HSPA12A: variants seen among roughly 807,000 people sequenced by gnomAD.
The protein encoded by HSPA12A is heat shock 70 kDa protein 12A.
Under a neutral mutation model 69.2 loss-of-function variants are expected in HSPA12A, and 28 were observed. That is an observed-to-expected ratio of 0.40 (90% CI 0.30 to 0.55). The LOEUF is 0.55. HSPA12A is among the 20% of genes least tolerant of loss of function. The probability of loss-of-function intolerance (pLI) is 0.38; values close to 1 mark genes in which losing one functional copy is unlikely to be tolerated. For missense variants in HSPA12A, 686 were observed against 900.7 expected, an observed-to-expected ratio of 0.76 and a Z score of 3.05; for synonymous variants, 345 against 370.5, an observed-to-expected ratio of 0.93 and a Z score of 0.79.
At chr10:116,818,218 A>G (rs1041586656) in intron 2 of HSPA12A, among the ~76,000 whole-genome samples, 1 of 152,144 alleles carries the variant, frequency 6.6e-6, no homozygotes, top group South Asian at 2.1e-4. Flanking sequence ...TCAACCTGGC[A>G]TATGAGCTTG....
intron 1 of HSPA12A, among the ~76,000 whole-genome samples, chr10:116,731,124 G>A (rs955709582): frequency 3.9e-5 from 6 of 152,228 alleles, no homozygotes; most frequent in South Asian, 2.1e-4. Context: ...GGAGGGCCCC[G>A]GAGTTGGTCC....
chr10:116,737,100 T>C (rs782308105), intron 1 of HSPA12A, among the ~76,000 whole-genome samples: 27 of 152,274 alleles, frequency 1.8e-4, no homozygotes, highest in Non-Finnish European at 3.1e-4. Context: ...AATCCATACT[T>C]TACAGATGAG....
upstream of HSPA12A, chr10:116,849,956 G>A: frequency 1.4e-6 from 1 of 703,328 alleles, no homozygotes; most frequent in Non-Finnish European, 2.6e-6. Context: ...GCAGCTGGAG[G>A]AAAGAGGGCG....
At chr10:116,749,539 C>T (rs74360835) in intron 2 of HSPA12A, among the ~76,000 whole-genome samples, 2 of 152,226 alleles carry the variant, frequency 1.3e-5, no homozygotes, top group East Asian at 3.9e-4. Context: ...TCTGTCATGC[C>T]TTCATCTGTG....
At chr10:116,741,298 A>G (rs1554887114) in intron 1 of HSPA12A, among the ~76,000 whole-genome samples, 1 of 152,248 alleles carries the variant, frequency 6.6e-6, no homozygotes, top group Non-Finnish European at 1.5e-5. Context: ...AAGACAGGGA[A>G]CCCAGCGCAG....
intron 1 of HSPA12A, among the ~76,000 whole-genome samples, chr10:116,739,712 C>T (rs1851421479): frequency 6.6e-6 from 1 of 152,136 alleles, no homozygotes; most frequent in Non-Finnish European, 1.5e-5. Context: ...ACACCCAGAC[C>T]CTCAAGTGTG....
chr10:116,778,708 T>C (rs1469505505), intron 2 of HSPA12A, among the ~76,000 whole-genome samples: 2 of 151,662 alleles, frequency 1.3e-5, no homozygotes, highest in African/African-American at 2.4e-5. Context: ...TTGAGAACAG[T>C]GTGGTGGGCA....
chr10:116,835,793 T>C (rs1872218), intron 1 of HSPA12A, among the ~76,000 whole-genome samples: 13,408 of 152,196 alleles, frequency 0.088, 1,895 homozygotes, highest in African/African-American at 0.3. Flanking sequence ...GTGTGCTTTA[T>C]AAAGGTAGCA....
chr10:116,691,222 G>C (rs1374070451), intron 6 of HSPA12A, among the ~76,000 whole-genome samples: 2 of 152,158 alleles, frequency 1.3e-5, no homozygotes, highest in Non-Finnish European at 2.9e-5. Context: ...TGGGGAAGGG[G>C]AGAGAGTGCA....
intron 2 of HSPA12A, among the ~76,000 whole-genome samples, chr10:116,796,135 A>G (rs1630039): frequency 0.83 from 110,668 of 133,812 alleles, 46,970 homozygotes; most frequent in Non-Finnish European, 0.92. Context: ...GTGACTGAGC[A>G]AGACTCCATC....
At chr10:116,745,083 T>C (rs556540903), upstream of HSPA12A, among the ~76,000 whole-genome samples, 3 of 152,202 alleles carry the variant, frequency 2.0e-5, no homozygotes, top group East Asian at 5.8e-4. Flanking sequence ...AGAGAATCAA[T>C]CACGTGGCTT....
chr10:116,790,394 C>A lies in HSPA12A; in HGVS notation c.91+44541G>T, dbSNP rs142209407. ...CTGGGATTACAGGTGTAAGCCACCA[C>A]GCCCAGCCCCCTGATGACCTTTCTA... On this transcript the variant is annotated intron_variant, in intron 2 of 12. Coordinates refer to the HSPA12A transcript ENST00000635765. Among the ~76,000 whole-genome samples, 7 of 152,040 alleles carry A rather than the reference C, an allele frequency of 4.6e-5. No homozygotes were observed. In the South Asian group the frequency reaches 1.2e-3, roughly 27 times the overall value.
At chr10:116,832,855 TACTC>T (rs1845644933) in intron 2 of HSPA12A, 1 of 152,334 alleles carries the variant, frequency 6.6e-6, no homozygotes, top group Non-Finnish European at 1.5e-5. Context: ...TATGCCATCT[TACTC>T]AATCTAACCT....
intron 2 of HSPA12A, among the ~76,000 whole-genome samples, chr10:116,774,086 T>C (rs1844276505): frequency 6.6e-6 from 1 of 151,332 alleles, no homozygotes; most frequent in African/African-American, 2.4e-5. Context: ...CTCTGCTCAC[T>C]GCAAGCTCCG....
chr10:116,808,458 C>A lies in HSPA12A; in HGVS notation c.91+26477G>T, dbSNP rs9420210. Among the ~76,000 whole-genome samples the A allele has an allele frequency of 1.1e-4, 17 of 151,876 alleles. 1 individual carries two copies. The highest frequency in any genetic ancestry group is 2.6e-4 in the Admixed American group (4 of 15,270). On this transcript the variant is annotated intron_variant, in intron 2 of 12. Coordinates refer to the HSPA12A transcript ENST00000635765. ...CGACTGTTTTGCAGTGTGGTTTGTG[C>A]GTCTGTGGATTAACATGGTATGAGG... is the stretch of plus-strand genomic sequence containing the variant.
At chr10:116,767,889 G>A (rs1366782835) in intron 2 of HSPA12A, among the ~76,000 whole-genome samples, 1 of 152,054 alleles carries the variant, frequency 6.6e-6, no homozygotes, top group African/African-American at 2.4e-5. Context: ...TTCTAATCAC[G>A]TGTACCCCCA....
chr10:116,711,982 C>T (rs1021802536), intron 1 of HSPA12A, among the ~76,000 whole-genome samples: 1 of 152,104 alleles, frequency 6.6e-6, no homozygotes, highest in African/African-American at 2.4e-5. Context: ...CCACTGTGCC[C>T]GGCCAACACT....
chr10:116,730,417 T>C (rs1191552983), intron 1 of HSPA12A, among the ~76,000 whole-genome samples: 1 of 152,184 alleles, frequency 6.6e-6, no homozygotes, highest in African/African-American at 2.4e-5. Flanking sequence ...GCTAAGCCCG[T>C]TTCACTCTAC....
chr10:116,797,357 G>A (rs887874052), intron 2 of HSPA12A, among the ~76,000 whole-genome samples: 1 of 152,172 alleles, frequency 6.6e-6, no homozygotes, highest in Admixed American at 6.6e-5. Context: ...TCTGACTAGG[G>A]GGTGGCAGAA....
Sources: gnomAD v4.1 joint callset for allele counts (sites outside exome capture counted in the v4.1 genomes callset) on GRCh38, gnomAD v4.1.1 for gene constraint, MANE v1.5 for transcripts, NCBI Gene and HGNC (gene_info 2026-07-23, HGNC 2026-07-21) for gene names.